Variants in SLC4A7 observed in about 807,000 individuals in gnomAD.
SLC4A7 encodes solute carrier family 4 member 7, also known as sodium bicarbonate cotransporter 3.
SLC4A7 carries 51 observed loss-of-function variants against 137.6 expected under a neutral mutation model. That is an observed-to-expected ratio of 0.37 (90% CI 0.30 to 0.47). The LOEUF (loss-of-function observed/expected upper bound fraction) is 0.47, where lower values mean the gene tolerates loss of function less well. Ranked by LOEUF, SLC4A7 falls within the 20% of genes least tolerant of loss-of-function variation. The pLI is 1.00. For synonymous variants in SLC4A7, 542 were observed against 518.6 expected (o/e 1.05, Z -0.61); for missense variants, 1,247 against 1,525.4 (o/e 0.82, Z 3.04).
At chr3:27,415,753 C>A (rs1278285595) in intron 11 of SLC4A7, among the ~76,000 whole-genome samples, 1 of 152,204 alleles carries the variant, frequency 6.6e-6, no homozygotes, top group African/African-American at 2.4e-5. Context: ...AAAATGACTG[C>A]TTTTTCTTGG....
chr3:27,418,035 G>A (rs180766636), intron 11 of SLC4A7, among the ~76,000 whole-genome samples: 6 of 152,224 alleles, frequency 3.9e-5, no homozygotes, highest in African/African-American at 1.2e-4. Flanking sequence ...AAAATGACAT[G>A]TGATATTGTC....
intron 4 of SLC4A7, 80 bp from the exon 5 acceptor site, chr3:27,436,628 G>GT: frequency 1.3e-6 from 1 of 792,916 alleles, no homozygotes; most frequent in Non-Finnish European, 1.8e-6. Flanking sequence ...AGAAACATTT[G>GT]TTCTTTAAAG....
At chr3:27,467,511 C>T (rs946955083) in intron 1 of SLC4A7, among the ~76,000 whole-genome samples, 2 of 152,144 alleles carry the variant, frequency 1.3e-5, no homozygotes, top group Non-Finnish European at 1.5e-5. Flanking sequence ...CTATAACAAA[C>T]ATGAAGGTTT....
chr3:27,379,395 T>TAA, intron 24 of SLC4A7, 39 bp from the exon 25 acceptor site: 1 of 1,031,748 alleles, frequency 9.7e-7, no homozygotes, highest in Non-Finnish European at 1.5e-6. Context: ...TATTCAGTAC[T>TAA]TGCAAAAGCA....
chr3:27,396,031 A>T (rs562694882), intron 18 of SLC4A7, among the ~76,000 whole-genome samples: 2 of 152,232 alleles, frequency 1.3e-5, no homozygotes, highest in South Asian at 2.1e-4. Context: ...ATTTTTTTTT[A>T]AAGATCAAGA....
At chr3:27,406,719 C>G (rs2053398191) in intron 13 of SLC4A7, among the ~76,000 whole-genome samples, 1 of 151,972 alleles carries the variant, frequency 6.6e-6, no homozygotes, top group Non-Finnish European at 1.5e-5. Context: ...GTTTTGAGCC[C>G]AGGAGTTCAA....
chr3:27,408,874 G>C (rs1325932687), intron 13 of SLC4A7, among the ~76,000 whole-genome samples: 1 of 152,114 alleles, frequency 6.6e-6, no homozygotes, highest in Non-Finnish European at 1.5e-5. Context: ...ACTTCAAAAA[G>C]CCACAGTTTC....
chr3:27,459,984 T>TAC (rs1184262167), intron 1 of SLC4A7, among the ~76,000 whole-genome samples: 14 of 98,588 alleles, frequency 1.4e-4, no homozygotes, highest in Middle Eastern at 5.0e-3. Flanking sequence ...TATATATATA[T>TAC]ATATATACAC....
At chr3:27,462,097 C>T (rs1212607919) in intron 1 of SLC4A7, among the ~76,000 whole-genome samples, 1 of 151,932 alleles carries the variant, frequency 6.6e-6, no homozygotes, top group South Asian at 2.1e-4. Flanking sequence ...TTTAATGGAC[C>T]GTACATGAGA....
intron 21 of SLC4A7, among the ~76,000 whole-genome samples, chr3:27,391,189 A>G (rs894753907): frequency 8.5e-5 from 13 of 152,320 alleles, no homozygotes; most frequent in African/African-American, 3.1e-4. Flanking sequence ...GTTTCCCAGT[A>G]ACTATTAAAA....
rs571875479 is a variant in SLC4A7, at chr3:27,393,271, G to T, written c.3117+1247C>A. Among the ~76,000 whole-genome samples, 5 of 152,108 alleles carry T rather than the reference G, an allele frequency of 3.3e-5. No individual in the cohort carries two copies. The South Asian group carries it at 6.2e-4, about 19-fold the overall frequency. On this transcript the variant is annotated intron_variant, in intron 20 of 25. Transcript: ENST00000454389. The stretch of plus-strand genomic sequence containing the variant: ...TTTGGTTTATCTTAAAGAGGGAAAA[G>T]GTCTCCATAAAAGTACAAAAACCAA...
rs558552186 is a variant in SLC4A7 at position 27,413,860 on chromosome 3, A to G, written c.1660-2112T>C. 2.0e-5 allele frequency among the ~76,000 whole-genome samples: 3 copies of G among 152,358 alleles called. No homozygotes were observed. In the South Asian group the frequency reaches 6.2e-4, roughly 32 times the overall value. ...CTGTACTAGAGATTTTAGTTAATAC[A>G]ATTAGACAACAGAAAACAATTACAT... On this transcript the variant is annotated intron_variant, in intron 11 of 25. Coordinates refer to ENST00000454389, the MANE Select transcript of SLC4A7 (RefSeq NM_001321103.2).
intron 3 of SLC4A7, among the ~76,000 whole-genome samples, chr3:27,439,129 G>C (rs1217295881): frequency 6.6e-6 from 1 of 152,162 alleles, no homozygotes; most frequent in Non-Finnish European, 1.5e-5. Flanking sequence ...AGTACTTGTG[G>C]ATGCAACAAG....
Position 27,421,617 on chromosome 3 carries a change from T to C in SLC4A7, c.1424+5A>G, listed in dbSNP as rs974454175. On this transcript the variant is annotated splice_donor_5th_base_variant and intron_variant, in intron 9 of 25. Transcript: ENST00000454389. ...AGAGAATGTTACTTGGAACTAACTC[T>C]TTACCTGGTTGGAACAGGGACCTCA... 1 of 1,607,892 alleles carries C rather than the reference T, an allele frequency of 6.2e-7. No individual in the cohort carries two copies. The highest frequency in any genetic ancestry group is 8.5e-7 in the Non-Finnish European group (1 of 1,176,994).
intron 1 of SLC4A7, among the ~76,000 whole-genome samples, 168 bp from the exon 2 acceptor site, chr3:27,452,666 A>C (rs1049580591): frequency 5.8e-4 from 89 of 152,356 alleles, no homozygotes; most frequent in African/African-American, 2.1e-3. Context: ...CAAGCTTTTT[A>C]AATCCACAGA....
At chr3:27,443,364 A>T (rs1296460033) in intron 3 of SLC4A7, among the ~76,000 whole-genome samples, 1 of 151,956 alleles carries the variant, frequency 6.6e-6, no homozygotes, top group Non-Finnish European at 1.5e-5. Flanking sequence ...CGGGATGTGT[A>T]TCGAAATTTT....
chr3:27,394,233 G>C (rs1482457875), intron 20 of SLC4A7, among the ~76,000 whole-genome samples: 1 of 152,032 alleles, frequency 6.6e-6, no homozygotes, highest in Admixed American at 6.6e-5. Context: ...TGCCCAGGCT[G>C]GTCTTGAACA....
intron 1 of SLC4A7, among the ~76,000 whole-genome samples, chr3:27,469,892 A>T (rs1370820539): frequency 6.6e-6 from 1 of 152,222 alleles, no homozygotes; most frequent in Non-Finnish European, 1.5e-5. Flanking sequence ...TTAGAAATAA[A>T]CATTCAACTA....
intron 7 of SLC4A7, among the ~76,000 whole-genome samples, chr3:27,430,044 C>T (rs938111320): frequency 4.0e-5 from 6 of 149,170 alleles, no homozygotes; most frequent in African/African-American, 1.5e-4. Flanking sequence ...AGCAAGATAC[C>T]GTCTCTACAA....
Sources: allele counts gnomAD v4.1 joint callset (sites outside exome capture counted in the v4.1 genomes callset), GRCh38; gene constraint gnomAD v4.1.1; transcripts MANE v1.5; gene names NCBI Gene and HGNC (gene_info 2026-07-23, HGNC 2026-07-21).